XYLT1: variants seen among roughly 807,000 people sequenced by gnomAD.
XYLT1 encodes the protein xylosyltransferase 1.
XYLT1 carries 36 observed loss-of-function variants against 91.3 expected under a neutral mutation model. The ratio of observed to expected loss-of-function variants is 0.39; its 90% CI spans 0.30 to 0.52. The LOEUF (loss-of-function observed/expected upper bound fraction) is 0.52. XYLT1 is among the 20% of genes least tolerant of loss of function. XYLT1 has a pLI of 0.68. For synonymous variants in XYLT1, 588 were observed against 532.0 expected, an observed-to-expected ratio of 1.11 and a Z score of -1.45; for missense variants, 1,242 against 1,284.5, an observed-to-expected ratio of 0.97 and a Z score of 0.51.
intron 3 of XYLT1, among the ~76,000 whole-genome samples, chr16:17,204,379 A>G (rs2032601193): frequency 1.3e-5 from 2 of 152,132 alleles, no homozygotes; most frequent in South Asian, 4.2e-4. Flanking sequence ...GCTTAAATAT[A>G]AAGTCATCTT....
At chr16:17,453,720 A>G (rs144014219) in intron 1 of XYLT1, among the ~76,000 whole-genome samples, 1 of 152,352 alleles carries the variant, frequency 6.6e-6, no homozygotes, top group East Asian at 1.9e-4. Flanking sequence ...GGCTATATTC[A>G]TCTGCTTCCC....
At chr16:17,262,013 C>CT (rs767510790) in intron 2 of XYLT1, among the ~76,000 whole-genome samples, 17 of 152,116 alleles carry the variant, frequency 1.1e-4, no homozygotes, top group Non-Finnish European at 2.2e-4. Flanking sequence ...CCTCTTTTCC[C>CT]TTTTTTTCTA....
chr16:17,285,874 C>CTG (rs56267931), intron 2 of XYLT1, among the ~76,000 whole-genome samples: 14,884 of 144,800 alleles, frequency 0.1, 1,028 homozygotes, highest in East Asian at 0.4. Context: ...TGGTGTATCT[C>CTG]TGTGTGTGTG....
intron 5 of XYLT1, among the ~76,000 whole-genome samples, chr16:17,165,460 G>T (rs192681766): frequency 1.1e-3 from 160 of 152,174 alleles, no homozygotes; most frequent in Admixed American, 2.4e-3. Flanking sequence ...GCCAAGGCAG[G>T]CGGATCATGA....
chr16:17,355,259 T>A (rs2035278572), intron 2 of XYLT1: 1 of 153,092 alleles, frequency 6.5e-6, no homozygotes, highest in South Asian at 2.1e-4. Flanking sequence ...TTTGAAGGGC[T>A]GATGGGGTGG....
intron 3 of XYLT1, among the ~76,000 whole-genome samples, chr16:17,241,032 C>T (rs915048137): frequency 6.6e-5 from 10 of 152,168 alleles, no homozygotes; most frequent in East Asian, 1.9e-4. Context: ...CAGAGAACTC[C>T]GGCGTAGACA....
chr16:17,314,696 A>C (rs1300306155), intron 2 of XYLT1, among the ~76,000 whole-genome samples: 1 of 152,228 alleles, frequency 6.6e-6, no homozygotes, highest in East Asian at 1.9e-4. Flanking sequence ...AAAAATCAAT[A>C]ATCAAAGTGA....
At chr16:17,117,526 T>C (rs1230746937) in intron 11 of XYLT1, 120 bp downstream of exon 11, 9 of 1,024,978 alleles carry the variant, frequency 8.8e-6, no homozygotes, top group African/African-American at 1.6e-5. Context: ...GAGCAAGGAG[T>C]GCTGTTCTGT....
chr16:17,277,774 C>G (rs1185116709), intron 2 of XYLT1, among the ~76,000 whole-genome samples: 1 of 152,146 alleles, frequency 6.6e-6, no homozygotes, highest in Non-Finnish European at 1.5e-5. Flanking sequence ...GTCTTCTGTT[C>G]CTGCGTCATT....
intron 3 of XYLT1, among the ~76,000 whole-genome samples, chr16:17,241,710 G>C (rs1021605470): frequency 6.6e-6 from 1 of 152,188 alleles, no homozygotes; most frequent in Non-Finnish European, 1.5e-5. Flanking sequence ...CTTACTCCCA[G>C]GTTATGAAAC....
chr16:17,441,962 C>T (rs1351690438), intron 1 of XYLT1, among the ~76,000 whole-genome samples: 1 of 152,162 alleles, frequency 6.6e-6, no homozygotes, highest in Admixed American at 6.5e-5. Context: ...GTCAGTCAGA[C>T]ATTCTTCTGG....
At chr16:17,141,043 G>A (rs911595717) in intron 7 of XYLT1, 110 bp downstream of exon 7, 3 of 1,045,566 alleles carry the variant, frequency 2.9e-6, no homozygotes, top group Non-Finnish European at 4.3e-6. Flanking sequence ...GTGTGTAGAG[G>A]ACAATGTAGG....
At chr16:17,415,096 T>G (rs1379618248) in intron 1 of XYLT1, among the ~76,000 whole-genome samples, 1 of 152,136 alleles carries the variant, frequency 6.6e-6, no homozygotes, top group Non-Finnish European at 1.5e-5. Context: ...CATTCCCATT[T>G]TGCAGAAGGG....
chr16:17,199,484 G>A (rs1017189068), intron 4 of XYLT1, among the ~76,000 whole-genome samples: 15 of 152,130 alleles, frequency 9.9e-5, no homozygotes, highest in East Asian at 3.9e-4. Context: ...AAAAGTGTAC[G>A]CACTCCTGGG....
chr16:17,140,883 G>C (rs138231475), intron 7 of XYLT1, among the ~76,000 whole-genome samples: 6 of 152,260 alleles, frequency 3.9e-5, no homozygotes, highest in African/African-American at 1.4e-4. Flanking sequence ...ACCAATGAAA[G>C]CCAAGTATCT....
chr16:17,187,614 T>C (rs1475662568), intron 5 of XYLT1, among the ~76,000 whole-genome samples: 1 of 151,516 alleles, frequency 6.6e-6, no homozygotes, highest in Non-Finnish European at 1.5e-5. Flanking sequence ...TCAATTTTAT[T>C]TTAAGTGTAT....
At position 17,104,230 on chromosome 16, in the gene XYLT1, C is replaced by G. The variant is rs1160333256; in HGVS notation, c.*4465G>C. ...GGATTTGGAGAGAGCCTGGCTGTTT[C>G]ACACCCTACCTCCTCCTCCTCCTAG... On this transcript the variant is annotated 3_prime_UTR_variant, in exon 12 of 12. Transcript: ENST00000261381. 2 of 152,796 alleles carry G rather than the reference C, an allele frequency of 1.3e-5. No homozygotes were observed. Among genetic ancestry groups the G allele is most frequent in the Non-Finnish European group, 2.9e-5 (2 of 68,210 alleles). 9.5% of individuals were successfully genotyped at this position (152,796 alleles called of 1,614,324 possible).
At chr16:17,336,112 G>C (rs933161779) in intron 2 of XYLT1, among the ~76,000 whole-genome samples, 2 of 152,208 alleles carry the variant, frequency 1.3e-5, no homozygotes, top group African/African-American at 4.8e-5. Flanking sequence ...ACGTGCGGAG[G>C]TGGATGGAGG....
At chr16:17,399,389 T>A (rs1160627292) in intron 1 of XYLT1, among the ~76,000 whole-genome samples, 1 of 151,986 alleles carries the variant, frequency 6.6e-6, no homozygotes, top group African/African-American at 2.4e-5. Flanking sequence ...AGGGAAGGGG[T>A]GTGGACAACT....
Sources: allele counts gnomAD v4.1 joint callset (sites outside exome capture counted in the v4.1 genomes callset), GRCh38; gene constraint gnomAD v4.1.1; transcripts MANE v1.5; gene names NCBI Gene and HGNC (gene_info 2026-07-23, HGNC 2026-07-21).